Variants in AK8 observed in about 807,000 individuals in gnomAD.
AK8 encodes adenylate kinase 8, also known as ATP-AMP transphosphorylase 8.
AK8 carries 44 observed loss-of-function variants against 54.6 expected under a neutral mutation model. That is an observed-to-expected ratio of 0.81 (90% confidence interval 0.63 to 1.04). The LOEUF (loss-of-function observed/expected upper bound fraction) is 1.04. AK8 is among the 50% of genes least tolerant of loss of function. The probability of loss-of-function intolerance (pLI) is 0.00; values close to 1 mark genes in which losing one functional copy is unlikely to be tolerated. For synonymous variants in AK8, 239 were observed against 245.6 expected (o/e 0.97, Z 0.25); for missense variants, 555 against 613.6 (o/e 0.90, Z 1.01).
Position 132,872,969 on chromosome 9 carries a change from G to A in AK8, c.169+2146C>T, listed in dbSNP as rs570020103. Among the ~76,000 whole-genome samples the A allele has an allele frequency of 2.0e-4, 31 of 152,144 alleles. No individual in the cohort carries two copies. The South Asian group carries it at 5.0e-3, about 24-fold the overall frequency. ...TGGGACTACAGGCGCCCGCCACCAC[G>A]CCCAGCTAATTTTTTTTTTATTTTT... On this transcript the variant is annotated intron_variant, in intron 2 of 12. Transcript: ENST00000298545.
At chr9:132,768,325 T>C in intron 11 of AK8, among the ~76,000 whole-genome samples, 1 of 151,870 alleles carries the variant, frequency 6.6e-6, no homozygotes, top group South Asian at 2.1e-4. Flanking sequence ...TGAAGTGCAA[T>C]GGCGCCATCT....
chr9:132,780,220 T>A (rs1839402464), intron 11 of AK8, among the ~76,000 whole-genome samples: 1 of 151,880 alleles, frequency 6.6e-6, no homozygotes, highest in Admixed American at 6.6e-5. Context: ...AGAGAGGAAG[T>A]TGAGAAAGGC....
intron 11 of AK8, among the ~76,000 whole-genome samples, chr9:132,729,692 T>G (rs1482621467): frequency 6.6e-6 from 1 of 151,926 alleles, no homozygotes; most frequent in Non-Finnish European, 1.5e-5. Context: ...AATTTAAGAG[T>G]CTCCTCCTTG....
chr9:132,727,419 C>A, intron 12 of AK8, 35 bp downstream of exon 12: 1 of 1,596,028 alleles, frequency 6.3e-7, no homozygotes, highest in Non-Finnish European at 8.6e-7. Flanking sequence ...CCTGGCAGTC[C>A]CCAGACTGCC....
chr9:132,839,078 G>A (rs896331764), intron 5 of AK8, among the ~76,000 whole-genome samples: 7 of 151,936 alleles, frequency 4.6e-5, no homozygotes, highest in Non-Finnish European at 2.9e-5. Context: ...TAAGTAGTTA[G>A]GATTACAGGC....
At chr9:132,777,998 G>A (rs7856370) in intron 11 of AK8, among the ~76,000 whole-genome samples, 98,716 of 152,138 alleles carry the variant, frequency 0.65, 32,222 homozygotes, top group East Asian at 0.82. Flanking sequence ...GCGAAGGAGC[G>A]CAGCAGGCCT....
intron 10 of AK8, among the ~76,000 whole-genome samples, chr9:132,793,085 T>C (rs1840016476): frequency 6.6e-6 from 1 of 152,170 alleles, no homozygotes; most frequent in Non-Finnish European, 1.5e-5. Context: ...TTAGTCCATT[T>C]GGGCTGCTAT....
chr9:132,798,380 A>G (rs1030750175), intron 10 of AK8, among the ~76,000 whole-genome samples: 12 of 152,298 alleles, frequency 7.9e-5, no homozygotes, highest in South Asian at 4.1e-4. Flanking sequence ...AGCTCAGCAC[A>G]AAGCTGAGAA....
At chr9:132,823,117 A>T in intron 9 of AK8, 88 bp downstream of exon 9, 5 of 1,463,602 alleles carry the variant, frequency 3.4e-6, no homozygotes, top group Non-Finnish European at 4.5e-6. Context: ...CCCCAACACC[A>T]CCCCCCATAA....
chr9:132,726,075 AC>A, intron 12 of AK8, 150 bp from the exon 13 acceptor site: 2 of 659,188 alleles, frequency 3.0e-6, no homozygotes, highest in Non-Finnish European at 5.3e-6. Flanking sequence ...CTGTGTGCAC[AC>A]CTTTGACTGA....
intron 11 of AK8, among the ~76,000 whole-genome samples, chr9:132,736,468 G>A (rs369006157): frequency 6.0e-5 from 9 of 151,012 alleles, no homozygotes; most frequent in African/African-American, 1.7e-4. Context: ...GGTTACAGGC[G>A]TGAGCCACTG....
intron 3 of AK8, among the ~76,000 whole-genome samples, chr9:132,864,073 G>A (rs539996878): frequency 6.6e-6 from 1 of 152,298 alleles, no homozygotes; most frequent in South Asian, 2.1e-4. Flanking sequence ...AAGCTCTGTG[G>A]ACCATGAGTT....
chr9:132,757,244 T>A (rs1222648400), intron 11 of AK8, among the ~76,000 whole-genome samples: 1 of 152,160 alleles, frequency 6.6e-6, no homozygotes, highest in East Asian at 1.9e-4. Context: ...CTCACCGGGA[T>A]GGTCAGAGGG....
intron 10 of AK8, among the ~76,000 whole-genome samples, chr9:132,809,618 C>T (rs1840902520): frequency 6.6e-6 from 1 of 152,332 alleles, no homozygotes; most frequent in East Asian, 1.9e-4. Context: ...CAGGCCTGGC[C>T]TCCAAAGGGC....
At chr9:132,807,883 T>A (rs1475962252) in intron 10 of AK8, among the ~76,000 whole-genome samples, 1 of 151,892 alleles carries the variant, frequency 6.6e-6, no homozygotes, top group Non-Finnish European at 1.5e-5. Context: ...CACACTTCGG[T>A]AGGAATGGAG....
At chr9:132,765,752 G>T (rs1838700766) in intron 11 of AK8, among the ~76,000 whole-genome samples, 1 of 152,186 alleles carries the variant, frequency 6.6e-6, no homozygotes, top group Non-Finnish European at 1.5e-5. Context: ...GGAAAAAGTT[G>T]AAAGCTTTTC....
chr9:132,760,559 C>T (rs1838408077), intron 11 of AK8, among the ~76,000 whole-genome samples: 1 of 152,026 alleles, frequency 6.6e-6, no homozygotes, highest in Admixed American at 6.5e-5. Context: ...TCCTTCCATC[C>T]CAAGTCCTAG....
intron 11 of AK8, among the ~76,000 whole-genome samples, chr9:132,765,016 G>A (rs112006450): frequency 0.021 from 3,123 of 152,208 alleles, 97 homozygotes; most frequent in African/African-American, 0.068. Context: ...TCACCAGCTG[G>A]GCGTGGTGGC....
intron 2 of AK8, among the ~76,000 whole-genome samples, chr9:132,873,022 C>T (rs1843924343): frequency 6.6e-6 from 1 of 152,084 alleles, no homozygotes; most frequent in South Asian, 2.1e-4. Flanking sequence ...ACCATGTTAG[C>T]CAGGATGTTC....
Sources: gnomAD v4.1 joint callset for allele counts (sites outside exome capture counted in the v4.1 genomes callset) on GRCh38, gnomAD v4.1.1 for gene constraint, MANE v1.5 for transcripts, NCBI Gene and HGNC (gene_info 2026-07-23, HGNC 2026-07-21) for gene names.